The following MPP7 variants were observed in gnomAD, a reference collection of about 807,000 sequenced individuals.
MPP7 encodes the protein MAGUK p55 subfamily member 7.
MPP7 carries 60 observed loss-of-function variants against 76.5 expected under a neutral mutation model. That is an observed-to-expected ratio of 0.78 (90% CI 0.64 to 0.97). The LOEUF (loss-of-function observed/expected upper bound fraction) is 0.97. Among genes scored for constraint, MPP7 ranks in the 50% least tolerant of loss-of-function variants. MPP7 has a pLI of 0.00. For missense variants in MPP7, 641 were observed against 694.0 expected, an observed-to-expected ratio of 0.92 and a Z score of 0.86; for synonymous variants, 237 against 244.5, an observed-to-expected ratio of 0.97 and a Z score of 0.29.
At chr10:28,308,889 C>T (rs1281825179) in intron 2 of MPP7, among the ~76,000 whole-genome samples, 2 of 150,604 alleles carry the variant, frequency 1.3e-5, no homozygotes, top group Non-Finnish European at 2.9e-5. Context: ...TCTGTAAAAA[C>T]TGCTCTTGTT....
At chr10:28,243,320 C>T (rs1839331283) in intron 1 of MPP7, among the ~76,000 whole-genome samples, 1 of 152,134 alleles carries the variant, frequency 6.6e-6, no homozygotes, top group South Asian at 2.1e-4. Context: ...AACCAAGTCC[C>T]CACTTTGCAC....
At position 28,185,795 on chromosome 10, in the gene MPP7, T is replaced by C. The variant is rs75938503; in HGVS notation, c.156+16358A>G. The stretch of plus-strand genomic sequence containing the variant: ...CATGCTCTAGAAATATAATTAAATG[T>C]GGTGGTGAATAGGCCTCCAAGCCAG... On this transcript the variant is annotated intron_variant, in intron 3 of 16. Coordinates refer to ENST00000683449, the MANE Select transcript of MPP7 (RefSeq NM_001318170.2). Among the ~76,000 whole-genome samples, 904 of 152,340 alleles carry C rather than the reference T, an allele frequency of 5.9e-3. 7 individuals are homozygous for C. The highest frequency in any genetic ancestry group is 0.021 in the African/African-American group (869 of 41,578).
chr10:28,081,768 CTT>C (rs527520547), intron 12 of MPP7, among the ~76,000 whole-genome samples: 7 of 143,754 alleles, frequency 4.9e-5, no homozygotes, highest in Admixed American at 7.0e-5. Flanking sequence ...AAATTATTCT[CTT>C]TTTTTTTTTT....
At chr10:28,121,259 CAAG>C (rs1157617080) in intron 8 of MPP7, among the ~76,000 whole-genome samples, 2 of 147,558 alleles carry the variant, frequency 1.4e-5, no homozygotes, top group East Asian at 3.9e-4. Context: ...GGTGACAGAG[CAAG>C]AAGCTTTTTT....
At chr10:28,311,183 G>A (rs1305864529) in intron 2 of MPP7, among the ~76,000 whole-genome samples, 2 of 152,284 alleles carry the variant, frequency 1.3e-5, no homozygotes, top group African/African-American at 4.8e-5. Context: ...CAGTGACTGT[G>A]ATCCATTATA....
chr10:28,307,136 T>A (rs1841263276), upstream of MPP7, among the ~76,000 whole-genome samples: 1 of 152,186 alleles, frequency 6.6e-6, no homozygotes, highest in Non-Finnish European at 1.5e-5. Flanking sequence ...ATTGCACCCC[T>A]GACATTTTCA....
intron 1 of MPP7, among the ~76,000 whole-genome samples, chr10:28,248,268 GAGGGCTAGA>G (rs1460324971): frequency 1.3e-5 from 2 of 152,098 alleles, no homozygotes; most frequent in Non-Finnish European, 2.9e-5. Context: ...CAAGAAATCT[GAGGGCTAGA>G]AGGGGAACCT....
At chr10:28,143,882 T>C (rs1052702908) in intron 5 of MPP7, among the ~76,000 whole-genome samples, 1 of 146,072 alleles carries the variant, frequency 6.8e-6, no homozygotes, top group African/African-American at 2.6e-5. Context: ...TGTGTGTGTG[T>C]GTGTGTGTGT....
chr10:28,270,247 T>C (rs1220766054), intron 1 of MPP7, among the ~76,000 whole-genome samples: 3 of 152,302 alleles, frequency 2.0e-5, no homozygotes, highest in Non-Finnish European at 2.9e-5. Context: ...GCAGAGAGAA[T>C]TGCTGACTAT....
intron 15 of MPP7, among the ~76,000 whole-genome samples, chr10:28,057,121 G>A (rs7920864): frequency 0.32 from 47,934 of 152,062 alleles, 8,835 homozygotes; most frequent in East Asian, 0.66. Context: ...CCTATCTACA[G>A]AGGGTGAGAG....
chr10:28,248,182 C>T (rs1839497897), intron 1 of MPP7, among the ~76,000 whole-genome samples: 1 of 152,080 alleles, frequency 6.6e-6, no homozygotes, highest in African/African-American at 2.4e-5. Context: ...GACTGCTAGC[C>T]AAACTCTCTT....
intron 1 of MPP7, among the ~76,000 whole-genome samples, chr10:28,284,822 A>G (rs533308442): frequency 1.5e-3 from 235 of 152,348 alleles, no homozygotes; most frequent in Middle Eastern, 3.4e-3. Flanking sequence ...AGAATACAAT[A>G]TAAGATACAT....
At chr10:28,297,809 C>T (rs920835638) in intron 1 of MPP7, among the ~76,000 whole-genome samples, 1 of 152,226 alleles carries the variant, frequency 6.6e-6, no homozygotes, top group Non-Finnish European at 1.5e-5. Flanking sequence ...CAATTGAAGT[C>T]AATCCTATCA....
chr10:28,273,206 C>G (rs112797593), intron 1 of MPP7, among the ~76,000 whole-genome samples: 2,447 of 152,310 alleles, frequency 0.016, 70 homozygotes, highest in African/African-American at 0.053. Context: ...GCGTGAGCCA[C>G]CACACCCAGC....
At chr10:28,125,148 A>G (rs1312628027) in intron 6 of MPP7, 57 bp from the exon 7 acceptor site, 2 of 1,406,974 alleles carry the variant, frequency 1.4e-6, no homozygotes, top group African/African-American at 1.4e-5. Flanking sequence ...AGGTGTTAGA[A>G]AAGGAGGAAA....
At chr10:28,135,155 G>A (rs1835314174) in intron 5 of MPP7, among the ~76,000 whole-genome samples, 1 of 152,118 alleles carries the variant, frequency 6.6e-6, no homozygotes, top group Non-Finnish European at 1.5e-5. Context: ...AGGCTGTGAT[G>A]GGGAAAAAGA....
At chr10:28,106,396 T>C (rs186936869) in intron 11 of MPP7, among the ~76,000 whole-genome samples, 1 of 152,318 alleles carries the variant, frequency 6.6e-6, no homozygotes, top group Admixed American at 6.5e-5. Flanking sequence ...CTTTTGTTTA[T>C]ATTAATAACA....
chr10:28,330,403 A>T (rs1834460434), intron 1 of MPP7, among the ~76,000 whole-genome samples: 1 of 152,222 alleles, frequency 6.6e-6, no homozygotes, highest in Non-Finnish European at 1.5e-5. Context: ...ACACCTGTGA[A>T]TAGCTACTGT....
At chr10:28,319,247 G>A (rs572534376) in intron 2 of MPP7, among the ~76,000 whole-genome samples, 1 of 152,240 alleles carries the variant, frequency 6.6e-6, no homozygotes, top group Admixed American at 6.5e-5. Flanking sequence ...ACTGTCATGA[G>A]AACAGCAAGG....
Sources: gnomAD v4.1 joint callset for allele counts (sites outside exome capture counted in the v4.1 genomes callset) on GRCh38, gnomAD v4.1.1 for gene constraint, MANE v1.5 for transcripts, NCBI Gene and HGNC (gene_info 2026-07-23, HGNC 2026-07-21) for gene names.